The following GNAS variants were observed in gnomAD, a reference collection of about 807,000 sequenced individuals.
GNAS encodes GNAS complex locus.
In GNAS, 8 loss-of-function variants were observed where a neutral mutation model predicts 54.5. That is an observed-to-expected ratio of 0.15 (90% CI 0.09 to 0.26). The LOEUF is 0.26. Among genes scored for constraint, GNAS ranks in the 10% least tolerant of loss-of-function variants. GNAS has a pLI of 1.00. For missense variants in GNAS, 170 were observed against 529.8 expected, an observed-to-expected ratio of 0.32 and a Z score of 6.67; for synonymous variants, 204 against 191.4, an observed-to-expected ratio of 1.07 and a Z score of -0.54.
chr20:58,868,654 G>C (rs974486940), intron 1 of GNAS, among the ~76,000 whole-genome samples: 4 of 152,186 alleles, frequency 2.6e-5, no homozygotes, highest in African/African-American at 9.7e-5. Flanking sequence ...AATCCAGAAA[G>C]GGGAGAACGG....
In GNAS at chr20:58,853,547, C is replaced by T; in HGVS notation, c.43+12661C>T. The T allele has an allele frequency of 6.2e-7, 1 of 1,613,306 alleles. No homozygotes were observed. On this transcript the variant is annotated intron_variant, in intron 1 of 12. Coordinates refer to the GNAS transcript ENST00000306090. This position sits in a 1 kb window ranked among gnomAD's most constrained non-coding sequence, Gnocchi z 4.4. ...GGGAAGCTGGAGCCCATGGAAGCTA[C>T]AGCCCACCTCCTGAGGAAGCAATGC...
chr20:58,900,652 A>G (rs2090526741), intron 3 of GNAS, among the ~76,000 whole-genome samples: 1 of 152,258 alleles, frequency 6.6e-6, no homozygotes, highest in Non-Finnish European at 1.5e-5. Context: ...GTAGCGAATC[A>G]GAATTCTAGC....
chr20:58,855,354 T>C, intron 1 of GNAS: 2 of 1,550,456 alleles, frequency 1.3e-6, no homozygotes, highest in Non-Finnish European at 1.7e-6. Flanking sequence ...GGACTCTGCC[T>C]GCGGGCAGCA....
At chr20:58,844,071 G>C (rs751465445) in intron 1 of GNAS, 6 of 152,318 alleles carry the variant, frequency 3.9e-5, no homozygotes, top group Admixed American at 2.0e-4. Context: ...AAACTTCAGT[G>C]TTGGTAAGAA....
intron 6 of GNAS, among the ~76,000 whole-genome samples, chr20:58,906,097 A>G (rs2091023693): frequency 6.6e-6 from 1 of 152,170 alleles, no homozygotes. Context: ...TGGTCAATGG[A>G]TTTTAAATCC....
At chr20:58,869,228 T>C (rs541741633) in intron 1 of GNAS, among the ~76,000 whole-genome samples, 11 of 152,236 alleles carry the variant, frequency 7.2e-5, no homozygotes, top group Non-Finnish European at 1.5e-4. Context: ...TTTTTCTCAA[T>C]TGAAAAAACA....
upstream of GNAS, chr20:58,890,844 GCT>G (rs1247283469): frequency 6.6e-6 from 1 of 152,338 alleles, no homozygotes; most frequent in Non-Finnish European, 1.5e-5. Context: ...CTTTTCGGTT[GCT>G]CTGTCCTTTG....
At chr20:58,868,182 A>G (rs1319661151) in intron 1 of GNAS, among the ~76,000 whole-genome samples, 1 of 151,910 alleles carries the variant, frequency 6.6e-6, no homozygotes, top group Non-Finnish European at 1.5e-5. Context: ...CACCACACAT[A>G]GCTAATTATG....
At chr20:58,859,121 C>T (rs2145610661) in intron 1 of GNAS, among the ~76,000 whole-genome samples, 1 of 152,190 alleles carries the variant, frequency 6.6e-6, no homozygotes, top group East Asian at 1.9e-4. Flanking sequence ...TGTATGTATC[C>T]TCCTAACTTG....
rs2145557842 is a variant in GNAS at position 58,853,138 on chromosome 20, T to G, written c.43+12252T>G. On this transcript the variant is annotated intron_variant, in intron 1 of 12. Coordinates refer to the GNAS transcript ENST00000306090. This position sits in a 1 kb window ranked among gnomAD's most constrained non-coding sequence, Gnocchi z 4.4. ...CCCCAACCTCACAAGGGTTGGAAAG[T>G]GAGGCCGGTGAACTTTCCAGCTGGT... 7.0e-7 allele frequency: 1 copy of G among 1,432,876 alleles called. No individual in the cohort carries two copies. Among genetic ancestry groups the G allele is most frequent in the Admixed American group, 2.9e-5 (1 of 34,952 alleles). 88.8% of individuals were successfully genotyped at this position (1,432,876 alleles called of 1,614,324 possible).
chr20:58,853,994 C>T lies in GNAS; in HGVS notation c.43+13108C>T, dbSNP rs1282419153. The T allele has an allele frequency of 6.2e-7, 1 of 1,612,030 alleles. No individual in the cohort carries two copies. Among genetic ancestry groups the T allele is most frequent in the South Asian group, 1.1e-5 (1 of 91,024 alleles). On this transcript the variant is annotated intron_variant, in intron 1 of 12. Transcript: ENST00000306090. This position sits in a 1 kb window ranked among gnomAD's most constrained non-coding sequence, Gnocchi z 4.4. ...ACGACAGCCCACCCCCGGGGCTTTC[C>T]CGAGTTATCGCACAAGTCGACGGCA...
At chr20:58,849,866 C>T (rs1278281732) in intron 1 of GNAS, among the ~76,000 whole-genome samples, 1 of 152,196 alleles carries the variant, frequency 6.6e-6, no homozygotes, top group African/African-American at 2.4e-5. Context: ...GCTGCTTCTG[C>T]TTTTCCTAAA....
intron 1 of GNAS, among the ~76,000 whole-genome samples, chr20:58,860,441 C>G (rs1396342608): frequency 6.6e-6 from 1 of 151,776 alleles, no homozygotes; most frequent in African/African-American, 2.4e-5. Flanking sequence ...TAATAAAATG[C>G]AGTTACTTTT....
intron 6 of GNAS, among the ~76,000 whole-genome samples, chr20:58,908,066 G>A (rs2091201800): frequency 6.6e-6 from 1 of 152,224 alleles, no homozygotes; most frequent in African/African-American, 2.4e-5. Context: ...GGGCAAGTTA[G>A]TATATCCTCT....
chr20:58,893,066 CTTTT>C (rs869179421), intron 1 of GNAS, among the ~76,000 whole-genome samples: 8 of 103,088 alleles, frequency 7.8e-5, no homozygotes, highest in African/African-American at 2.5e-4. Context: ...GGCGTGGTTT[CTTTT>C]TTTTTTTTTT....
At chr20:58,878,915 G>C (rs1214615646) in intron 1 of GNAS, among the ~76,000 whole-genome samples, 72 of 151,358 alleles carry the variant, frequency 4.8e-4, no homozygotes, top group African/African-American at 1.1e-3. Context: ...GTGCGGGTGG[G>C]GGGGGGAGGG....
upstream of GNAS, chr20:58,840,009 T>G: frequency 7.2e-7 from 1 of 1,397,610 alleles, no homozygotes; most frequent in Non-Finnish European, 1.0e-6. The surrounding 1 kb of genome is among the most constrained non-coding windows in gnomAD (Gnocchi z 6.0). Flanking sequence ...TCTCACCTCA[T>G]AGGGTGTACC....
chr20:58,907,142 C>T (rs2091114360), intron 6 of GNAS, among the ~76,000 whole-genome samples: 1 of 152,198 alleles, frequency 6.6e-6, no homozygotes, highest in East Asian at 1.9e-4. Flanking sequence ...AGAGGTAATA[C>T]TGTTCATCTA....
upstream of GNAS, chr20:58,891,153 C>T (rs1014801126): frequency 3.4e-5 from 5 of 149,238 alleles, no homozygotes; most frequent in African/African-American, 1.2e-4. Flanking sequence ...CTCCCCGGCC[C>T]GTCCCGTCCC....
Sources: allele counts gnomAD v4.1 joint callset (sites outside exome capture counted in the v4.1 genomes callset), GRCh38; gene constraint gnomAD v4.1.1; non-coding constraint Gnocchi (gnomAD v3.1); transcripts MANE v1.5; gene names NCBI Gene and HGNC (gene_info 2026-07-23, HGNC 2026-07-21).